Variants in RNF182 observed in about 807,000 individuals in gnomAD.
RNF182 encodes the protein ring finger protein 182.
A neutral mutation model predicts 14.4 loss-of-function variants in RNF182; 15 were observed. That is an observed-to-expected ratio of 1.04 (90% CI 0.70 to 1.60). The LOEUF (loss-of-function observed/expected upper bound fraction) is 1.60, where lower values mean the gene tolerates loss of function less well. Ranked by LOEUF, RNF182 falls within the 40% of genes most tolerant of loss-of-function variation. The pLI, the probability that RNF182 is intolerant of heterozygous loss-of-function variation, is 0.00. For missense variants in RNF182, 268 were observed against 294.8 expected (o/e 0.91, Z 0.67); for synonymous variants, 128 against 122.9 (o/e 1.04, Z -0.27).
intron 1 of RNF182, among the ~76,000 whole-genome samples, chr6:13,934,574 T>A (rs1371690524): frequency 1.3e-5 from 2 of 152,214 alleles, no homozygotes; most frequent in Non-Finnish European, 2.9e-5. Context: ...GGTGGTGCAG[T>A]GAGGTAAGCT....
intron 1 of RNF182, among the ~76,000 whole-genome samples, chr6:13,944,276 T>G (rs1561778806): frequency 6.6e-6 from 1 of 152,208 alleles, no homozygotes; most frequent in Admixed American, 6.5e-5. Flanking sequence ...GAACCAACAG[T>G]AAGTTATTTT....
At chr6:13,965,408 G>A (rs995357604) in intron 1 of RNF182, among the ~76,000 whole-genome samples, 13 of 152,162 alleles carry the variant, frequency 8.5e-5, no homozygotes, top group African/African-American at 2.9e-4. Context: ...CAATAATTAA[G>A]TAAATATAAG....
In RNF182 at chr6:13,977,583, C is replaced by T; in HGVS notation, c.464C>T (p.Pro155Leu). Reference sequence around the variant, plus strand: ...ACTCCTGTGGTAGAATTTTATAGGCCTGCGAGTTTCGACTCTGTCACCACT... The same window carrying T: ...ACTCCTGTGGTAGAATTTTATAGGCTTGCGAGTTTCGACTCTGTCACCACT... ...SSTPVVEFYR[P>L]ASFDSVTTVS... Residue 155 changes from proline (P) to leucine (L), a missense_variant, in exon 3 of 3, where the codon CCT becomes CTT. Physicochemically the swap from Pro to Leu is moderately conservative, Grantham distance 98. Transcript: ENST00000488300. 1 of 1,614,186 alleles carries T rather than the reference C, an allele frequency of 6.2e-7. No individual in the cohort carries two copies. The highest frequency in any genetic ancestry group is 8.5e-7 in the Non-Finnish European group (1 of 1,180,030).
At chr6:13,940,175 A>C (rs1180284335) in intron 1 of RNF182, among the ~76,000 whole-genome samples, 1 of 152,216 alleles carries the variant, frequency 6.6e-6, no homozygotes, top group East Asian at 1.9e-4. Flanking sequence ...TCGATTAAGA[A>C]GATCTCTTAT....
At chr6:13,974,473 A>G (rs1326185331) in intron 2 of RNF182, 109 bp downstream of exon 2, 1 of 152,132 alleles carries the variant, frequency 6.6e-6, no homozygotes, top group Non-Finnish European at 1.5e-5. Context: ...ATCACATAAC[A>G]CTCTATCTTA....
chr6:13,928,050 A>G (rs1286810782), intron 1 of RNF182, among the ~76,000 whole-genome samples: 1 of 152,248 alleles, frequency 6.6e-6, no homozygotes, highest in African/African-American at 2.4e-5. Flanking sequence ...TGTGGTGTTT[A>G]GTGACATGGA....
chr6:13,947,096 G>A (rs1263302220), intron 1 of RNF182, among the ~76,000 whole-genome samples: 1 of 152,164 alleles, frequency 6.6e-6, no homozygotes, highest in Non-Finnish European at 1.5e-5. Flanking sequence ...GCAATTGTGG[G>A]AACCAAGCTG....
Position 13,977,832 on chromosome 6 carries a change from A to C in RNF182, c.713A>C (p.Glu238Ala). 6.2e-7 allele frequency: 1 copy of C among 1,614,044 alleles called. No individual in the cohort carries two copies. Among genetic ancestry groups the C allele is most frequent in the Non-Finnish European group, 8.5e-7 (1 of 1,179,962 alleles). The change falls in exon 3 of 3, where the codon GAA becomes GCA. Residue 238 changes from glutamate (E) to alanine (A), a missense_variant. Physicochemically the swap from Glu to Ala is moderately radical, Grantham distance 107. Coordinates refer to ENST00000488300, the MANE Select transcript of RNF182 (RefSeq NM_152737.4). ...VYGFCQCVCH[E>A]FLDCMAPPS ...GGTTTTTGCCAGTGTGTTTGTCATG[A>C]ATTTCTAGACTGTATGGCACCTCCT...
chr6:13,934,738 C>A (rs1759063947), intron 1 of RNF182, among the ~76,000 whole-genome samples: 1 of 151,854 alleles, frequency 6.6e-6, no homozygotes, highest in Non-Finnish European at 1.5e-5. Flanking sequence ...CAAACAAAAT[C>A]CAAATAAATA....
intron 1 of RNF182, among the ~76,000 whole-genome samples, chr6:13,939,019 G>A (rs942553619): frequency 4.0e-4 from 61 of 152,136 alleles, no homozygotes; most frequent in Admixed American, 3.9e-4. Context: ...GGAGGCAGAG[G>A]TTGTAGTGAG....
chr6:13,934,130 A>C (rs1414133444), intron 1 of RNF182, among the ~76,000 whole-genome samples: 1 of 152,250 alleles, frequency 6.6e-6, no homozygotes, highest in East Asian at 1.9e-4. Context: ...AAATTAATTG[A>C]AATTAAATAT....
rs148953254 is a variant in RNF182, at chr6:13,950,941, C to T, written c.-366-23269C>T. Reference sequence around the variant, plus strand: ...CCTCCTGAGTAGCTGGGACTACAGTCGTGTGCCACCACACCTGGCTAACTT... The same window carrying T: ...CCTCCTGAGTAGCTGGGACTACAGTTGTGTGCCACCACACCTGGCTAACTT... On this transcript the variant is annotated intron_variant, in intron 1 of 2. Transcript: ENST00000488300. 2.4e-3 allele frequency among the ~76,000 whole-genome samples: 371 copies of T among 151,802 alleles called. 1 individual carries two copies. Among genetic ancestry groups the T allele is most frequent in the African/African-American group, 8.4e-3 (346 of 41,344 alleles).
chr6:13,957,243 A>G (rs954897264), intron 1 of RNF182, among the ~76,000 whole-genome samples: 2 of 152,224 alleles, frequency 1.3e-5, no homozygotes, highest in Non-Finnish European at 2.9e-5. Flanking sequence ...CCTAATCTTC[A>G]CAGTTGAATA....
At chr6:13,956,609 GC>G (rs1759738899) in intron 1 of RNF182, among the ~76,000 whole-genome samples, 1 of 152,126 alleles carries the variant, frequency 6.6e-6, no homozygotes, top group African/African-American at 2.4e-5. Flanking sequence ...ACCTGCGTGA[GC>G]CAATGCTCCC....
At chr6:13,974,456 C>T (rs1226249340) in intron 2 of RNF182, 92 bp downstream of exon 2, 2 of 152,190 alleles carry the variant, frequency 1.3e-5, no homozygotes, top group African/African-American at 4.8e-5. Flanking sequence ...TAAATATGAA[C>T]ATTATAATCA....
At chr6:13,946,819 A>C (rs1478189565) in intron 1 of RNF182, among the ~76,000 whole-genome samples, 1 of 152,198 alleles carries the variant, frequency 6.6e-6, no homozygotes, top group Admixed American at 6.5e-5. Context: ...GAACAGGGGC[A>C]ATGATATTCC....
intron 1 of RNF182, among the ~76,000 whole-genome samples, chr6:13,938,127 G>C (rs1020865046): frequency 1.4e-5 from 2 of 143,190 alleles, no homozygotes; most frequent in Admixed American, 7.2e-5. Context: ...CGGTCTCTGC[G>C]TAACTGGGAC....
chr6:13,961,653 A>G (rs1452792867), intron 1 of RNF182: 2 of 152,340 alleles, frequency 1.3e-5, no homozygotes, highest in South Asian at 2.1e-4. Context: ...TCACAACTCC[A>G]TATATAAAAA....
At chr6:13,948,132 C>T (rs1027859778) in intron 1 of RNF182, among the ~76,000 whole-genome samples, 10 of 152,132 alleles carry the variant, frequency 6.6e-5, no homozygotes, top group Non-Finnish European at 1.5e-4. Context: ...TATGCAATTC[C>T]TGTTTTTCTC....
Sources: allele counts gnomAD v4.1 joint callset (sites outside exome capture counted in the v4.1 genomes callset), GRCh38; gene constraint gnomAD v4.1.1; transcripts MANE v1.5; gene names NCBI Gene and HGNC (gene_info 2026-07-23, HGNC 2026-07-21).